NUP160: variants seen among roughly 807,000 people sequenced by gnomAD.
The protein encoded by NUP160 is nucleoporin 160.
In NUP160, 94 loss-of-function variants were observed where a neutral mutation model predicts 196.9. That is an observed-to-expected ratio of 0.48 (90% CI 0.40 to 0.57). The LOEUF is 0.57. Among genes scored for constraint, NUP160 ranks in the 20% least tolerant of loss-of-function variants. The probability of loss-of-function intolerance (pLI) is 0.00; values close to 1 mark genes in which losing one functional copy is unlikely to be tolerated. For missense variants in NUP160, 1,638 were observed against 1,748.3 expected (o/e 0.94, Z 1.13); for synonymous variants, 605 against 619.7 (o/e 0.98, Z 0.35).
At chr11:47,836,927 G>A in exon 6 of NUP160, 1 of 1,613,328 alleles carries the variant, frequency 6.2e-7, no homozygotes, top group Non-Finnish European at 8.5e-7. Flanking sequence ...CTGACACAAA[G>A]CAAAGATGAA....
chr11:47,844,223 T>TC (rs1852357987), intron 2 of NUP160, among the ~76,000 whole-genome samples: 1 of 152,098 alleles, frequency 6.6e-6, no homozygotes, highest in African/African-American at 2.4e-5. Flanking sequence ...GGCACCAGCC[T>TC]CCTAACTGGT....
intron 7 of NUP160, chr11:47,827,154 C>T: frequency 6.6e-6 from 3 of 456,086 alleles, no homozygotes; most frequent in South Asian, 4.6e-5. Context: ...ACTGCTTGAA[C>T]TCAGGAGTTT....
intron 10 of NUP160, among the ~76,000 whole-genome samples, 185 bp downstream of exon 10, chr11:47,819,189 T>TGTA (rs1297235557): frequency 6.6e-6 from 1 of 151,954 alleles, no homozygotes; most frequent in African/African-American, 2.4e-5. Flanking sequence ...GGTACGTGAC[T>TGTA]GTAGTCCCAG....
intron 6 of NUP160, among the ~76,000 whole-genome samples, chr11:47,836,045 G>A (rs913820254): frequency 6.6e-6 from 1 of 152,122 alleles, no homozygotes; most frequent in Non-Finnish European, 1.5e-5. Flanking sequence ...TCAGGAGTTC[G>A]AGACCAGCCT....
At position 47,821,836 on chromosome 11, in the gene NUP160, G is replaced by A. The variant is rs1216709967; in HGVS notation, c.1180-15C>T. The A allele has an allele frequency of 1.3e-6, 2 of 1,561,488 alleles. No individual in the cohort carries two copies. The highest frequency in any genetic ancestry group is 2.2e-5 in the East Asian group (1 of 44,614). On this transcript the variant is annotated splice_polypyrimidine_tract_variant and intron_variant, in intron 8 of 35. Coordinates refer to ENST00000378460, the Ensembl canonical transcript of NUP160. The stretch of plus-strand genomic sequence containing the variant: ...ATCAGTGTCTCCTAGGAGGAAATGT[G>A]GGAAAAAAAGGGATAAAATAAGAAA...
chr11:47,804,728 G>C, intron 20 of NUP160, 110 bp from the exon 21 acceptor site: 1 of 692,374 alleles, frequency 1.4e-6, no homozygotes, highest in Non-Finnish European at 2.4e-6. Context: ...ACATAAACAA[G>C]GCAGAGAAGT....
At chr11:47,801,971 C>A in intron 22 of NUP160, 41 bp from the exon 23 acceptor site, 1 of 1,603,322 alleles carries the variant, frequency 6.2e-7, no homozygotes, top group South Asian at 1.1e-5. Flanking sequence ...ACAGATCATT[C>A]AAATTCTAGG....
chr11:47,811,732 G>C (rs2097681266), intron 17 of NUP160, among the ~76,000 whole-genome samples: 1 of 151,978 alleles, frequency 6.6e-6, no homozygotes, highest in Non-Finnish European at 1.5e-5. Context: ...TTGTTACGTA[G>C]GTAAACGTGT....
rs377379916 is a variant in NUP160 at position 47,803,547 on chromosome 11, T to C, written c.2677-11A>G. 6.2e-5 allele frequency: 89 copies of C among 1,446,410 alleles called. No individual in the cohort carries two copies. The highest frequency in any genetic ancestry group is 3.3e-4 in the South Asian group (29 of 87,104). The allele number at this position is 1,446,410 out of a possible 1,614,324, so 89.6% of individuals were successfully genotyped here. A position where few individuals can be genotyped will look rare whatever the true frequency, so the allele number is the denominator to read the frequency against. On this transcript the variant is annotated splice_polypyrimidine_tract_variant and intron_variant, in intron 21 of 35. Transcript: ENST00000378460. ...CAGTTGAATATAATCCTTAAAGGCA[T>C]AAAAGGTGCTTTCTGATTAGAAAAT...
At chr11:47,829,980 G>T (rs553811850) in intron 7 of NUP160, among the ~76,000 whole-genome samples, 1 of 152,166 alleles carries the variant, frequency 6.6e-6, no homozygotes, top group Admixed American at 6.6e-5. Context: ...TCTGACGAGG[G>T]TCTGATTTCC....
chr11:47,788,412 A>G, intron 30 of NUP160, 89 bp downstream of exon 30: 1 of 1,543,600 alleles, frequency 6.5e-7, no homozygotes, highest in Middle Eastern at 1.7e-4. Flanking sequence ...CAGGCTTTAT[A>G]CCCATCTACC....
exon 9 of NUP160, chr11:47,821,730 A>C: frequency 1.2e-6 from 2 of 1,611,646 alleles, no homozygotes; most frequent in Non-Finnish European, 1.7e-6. Flanking sequence ...ATACTGTTCA[A>C]AGTTGATGTA....
chr11:47,842,620 TG>T (rs1261939360), intron 2 of NUP160, among the ~76,000 whole-genome samples: 2 of 152,144 alleles, frequency 1.3e-5, no homozygotes, highest in Non-Finnish European at 2.9e-5. Context: ...CTGCTACCCA[TG>T]CTCACTGCAG....
chr11:47,817,056 C>T (rs1182836066), intron 11 of NUP160, among the ~76,000 whole-genome samples: 1 of 151,334 alleles, frequency 6.6e-6, no homozygotes, highest in East Asian at 2.0e-4. Flanking sequence ...GCTCACCATA[C>T]CCTTTACCTC....
At chr11:47,823,402 A>G (rs1851903021) in intron 7 of NUP160, among the ~76,000 whole-genome samples, 1 of 152,150 alleles carries the variant, frequency 6.6e-6, no homozygotes, top group Non-Finnish European at 1.5e-5. Flanking sequence ...TTGTCTCTAT[A>G]AATTTGACTA....
At chr11:47,827,884 T>C (rs1852003187) in intron 7 of NUP160, among the ~76,000 whole-genome samples, 1 of 152,142 alleles carries the variant, frequency 6.6e-6, no homozygotes, top group Non-Finnish European at 1.5e-5. Flanking sequence ...AACTAACTTT[T>C]TTATGAGACA....
intron 4 of NUP160, 111 bp from the exon 5 acceptor site, chr11:47,837,734 G>C: frequency 1.3e-6 from 1 of 751,682 alleles, no homozygotes; most frequent in Non-Finnish European, 2.3e-6. Context: ...CCGTATTTCT[G>C]TACTAACAAA....
chr11:47,811,972 CTG>C (rs1462926261), intron 17 of NUP160, 90 bp downstream of exon 17: 1 of 1,104,784 alleles, frequency 9.1e-7, no homozygotes, highest in African/African-American at 1.6e-5. Context: ...ACAAAAGTAT[CTG>C]TGCTAGTAGG....
Position 47,808,533 on chromosome 11 carries a change from T to C in NUP160, c.2242-4A>G, listed in dbSNP as rs1473638362. 1.2e-6 allele frequency: 2 copies of C among 1,612,400 alleles called. No individual in the cohort carries two copies. The highest frequency in any genetic ancestry group is 3.3e-5 in the Admixed American group (2 of 59,810). The stretch of plus-strand genomic sequence containing the variant: ...GCTGACCAGTTCCCCAAATCACCTA[T>C]ACATTATGGGTAGGTGGACCAGACA... On this transcript the variant is annotated splice_polypyrimidine_tract_variant and splice_region_variant and intron_variant, in intron 17 of 35. Transcript: ENST00000378460.
Sources: allele counts gnomAD v4.1 joint callset (sites outside exome capture counted in the v4.1 genomes callset), GRCh38; gene constraint gnomAD v4.1.1; transcripts MANE v1.5; gene names NCBI Gene and HGNC (gene_info 2026-07-23, HGNC 2026-07-21).